Variants in PRKCSH observed in about 807,000 individuals in gnomAD.
PRKCSH encodes the protein PRKCSH beta subunit of glucosidase II.
In PRKCSH, 42 loss-of-function variants were observed where a neutral mutation model predicts 79.7. The observed-to-expected ratio is 0.53, with a 90% CI of 0.41 to 0.68. The LOEUF (loss-of-function observed/expected upper bound fraction) is 0.68. Among genes scored for constraint, PRKCSH ranks in the 30% least tolerant of loss-of-function variants. PRKCSH has a pLI of 0.00. For missense variants in PRKCSH, 686 were observed against 709.0 expected (o/e 0.97, Z 0.37); for synonymous variants, 325 against 288.2 (o/e 1.13, Z -1.29).
chr19:11,449,480 G>C lies in PRKCSH; in HGVS notation c.*16+52G>C. 1 of 1,608,904 alleles carries C rather than the reference G, an allele frequency of 6.2e-7. No individual in the cohort carries two copies. Among genetic ancestry groups the C allele is most frequent in the Non-Finnish European group, 8.5e-7 (1 of 1,177,524 alleles). ...GCCTGCCCCAGCAAGGGGAGGCGGC[G>C]GGCCCTGAGGAAGATGGACCCACAT... On this transcript the variant is annotated intron_variant, in intron 17 of 17. Transcript: ENST00000677123. This position sits in a 1 kb window ranked among gnomAD's most constrained non-coding sequence, Gnocchi z 6.4.
In PRKCSH at chr19:11,442,431, C is replaced by G. The variant is rs1253753780; in HGVS notation, c.514C>G (p.Gln172Glu). 6.2e-7 allele frequency: 1 copy of G among 1,611,416 alleles called. No homozygotes were observed. Among genetic ancestry groups the G allele is most frequent in the Admixed American group, 1.7e-5 (1 of 59,724 alleles). Reference sequence around the variant, plus strand: ...GGCTGGGAAGAAGTCTCTGGAAGACCAGGTGGAGATGCTGCGGACAGTGAA... The same window carrying G: ...GGCTGGGAAGAAGTCTCTGGAAGACGAGGTGGAGATGCTGCGGACAGTGAA... Reference protein sequence around the residue: ...LQAGKKSLEDQVEMLRTVKEE... With the variant: ...LQAGKKSLEDEVEMLRTVKEE... The change falls in exon 7 of 18, where the codon CAG becomes GAG. Residue 172 changes from glutamine to glutamate, a missense_variant. Around this residue, in one of 2 missense-constraint regions of PRKCSH, gnomAD observed 549 missense variants for 520.2 expected, o/e 1.06. Coordinates refer to ENST00000677123, the MANE Select transcript of PRKCSH (RefSeq NM_001289104.2).
At position 11,447,765 on chromosome 19, in the gene PRKCSH, G is replaced by C. The variant is rs769150068; in HGVS notation, c.1102G>C (p.Glu368Gln). The C allele has an allele frequency of 6.3e-7, 1 of 1,589,964 alleles. No individual in the cohort carries two copies. Among genetic ancestry groups the C allele is most frequent in the Non-Finnish European group, 8.6e-7 (1 of 1,169,270 alleles). ...GGAAGACAAAATGCCGCCCTACGAC[G>C]AGCAGACGCAGGCCTTCATCGATGG... ...AEEDKMPPYDEQTQAFIDAAQ... is the reference protein window; with the variant it reads ...AEEDKMPPYDQQTQAFIDAAQ... The change falls in exon 12 of 18, where the codon GAG becomes CAG. Residue 368 changes from glutamate to glutamine, a missense_variant. Glu to Gln is a conservative substitution (Grantham distance 29). This residue lies in a region of PRKCSH where 549 missense variants were observed against 520.2 expected (regional missense o/e 1.06). Coordinates refer to ENST00000677123, the MANE Select transcript of PRKCSH (RefSeq NM_001289104.2). The surrounding 1 kb of genome is among the most constrained non-coding windows in gnomAD (Gnocchi z 5.6).
Position 11,441,457 on chromosome 19 carries a change from C to G in PRKCSH, c.468+100C>G, listed in dbSNP as rs1479401666. 4 of 1,091,832 alleles carry G rather than the reference C, an allele frequency of 3.7e-6. No individual in the cohort carries two copies. The South Asian group carries it at 3.7e-5, about 10-fold the overall frequency. The allele number at this position is 1,091,832 out of a possible 1,614,324, so 67.6% of individuals were successfully genotyped here. A position where few individuals can be genotyped will look rare whatever the true frequency, so the allele number is the denominator to read the frequency against. On this transcript the variant is annotated intron_variant, in intron 6 of 17. Coordinates refer to ENST00000677123, the MANE Select transcript of PRKCSH (RefSeq NM_001289104.2). The stretch of plus-strand genomic sequence containing the variant: ...GAGGGGTTTGCCCCTGACTGCTGTT[C>G]TGGGGCAAGTGACTGCCTTTCGGAG...
intron 7 of PRKCSH, among the ~76,000 whole-genome samples, chr19:11,443,864 C>T (rs1179384266): frequency 2.6e-5 from 4 of 152,062 alleles, no homozygotes; most frequent in African/African-American, 7.2e-5. Context: ...CAACCTCTAC[C>T]TCCTGGGTTC....
intron 8 of PRKCSH, 85 bp downstream of exon 8, chr19:11,445,558 G>C (rs1469349925): frequency 7.4e-7 from 1 of 1,357,430 alleles, no homozygotes. Context: ...AAACCAGCCA[G>C]ATCCTCCTTG....
chr19:11,448,535 TC>T lies in PRKCSH; in HGVS notation c.1197-3del. Reference sequence around the variant, plus strand: ...GCCCCTTAACCGCTCCGCCTCCCCTTCCAGGAACCTGGAGCAAGAGATTTCT... The same window carrying T: ...GCCCCTTAACCGCTCCGCCTCCCCTTCAGGAACCTGGAGCAAGAGATTTCT... On this transcript the variant is annotated splice_region_variant and splice_polypyrimidine_tract_variant and intron_variant, in intron 13 of 17. Coordinates refer to ENST00000677123, the MANE Select transcript of PRKCSH (RefSeq NM_001289104.2). The surrounding 1 kb of genome is among the most constrained non-coding windows in gnomAD (Gnocchi z 4.4). 1 of 1,614,024 alleles carries T rather than the reference TC, an allele frequency of 6.2e-7. No homozygotes were observed. The highest frequency in any genetic ancestry group is 8.5e-7 in the Non-Finnish European group (1 of 1,179,854).
Position 11,447,858 on chromosome 19 carries a change from G to A in PRKCSH, c.1126+69G>A, listed in dbSNP as rs1970395051. 2 of 1,465,060 alleles carry A rather than the reference G, an allele frequency of 1.4e-6. No individual in the cohort carries two copies. The highest frequency in any genetic ancestry group is 2.5e-5 in the East Asian group (1 of 40,358). 90.8% of individuals were successfully genotyped at this position (1,465,060 alleles called of 1,614,324 possible). On this transcript the variant is annotated intron_variant, in intron 12 of 17. Coordinates refer to ENST00000677123, the MANE Select transcript of PRKCSH (RefSeq NM_001289104.2). The surrounding 1 kb of genome is among the most constrained non-coding windows in gnomAD (Gnocchi z 5.6). ...TTCCTGCCGTGGTGGCACAGGTCGA[G>A]GGAAGATCCTGAGCTTAGACCCTGC...
chr19:11,443,183 C>G (rs1051406007), intron 7 of PRKCSH, among the ~76,000 whole-genome samples: 1 of 151,820 alleles, frequency 6.6e-6, no homozygotes, highest in Non-Finnish European at 1.5e-5. Flanking sequence ...GAGGCCGAGA[C>G]GGGCAGATCA....
chr19:11,445,600 C>T (rs1400482874), intron 8 of PRKCSH, 127 bp downstream of exon 8: 1 of 941,318 alleles, frequency 1.1e-6, no homozygotes, highest in East Asian at 2.6e-5. Context: ...AGGCTGATCC[C>T]AAGCCCCGTG....
chr19:11,447,149 T>C lies in PRKCSH; in HGVS notation c.838T>C (p.Tyr280His). The C allele has an allele frequency of 1.9e-6, 3 of 1,613,846 alleles. No individual in the cohort carries two copies. The highest frequency in any genetic ancestry group is 2.5e-6 in the Non-Finnish European group (3 of 1,179,830). The change falls in exon 10 of 18, where the codon TAC (tyrosine) becomes CAC (histidine). Residue 280 changes from tyrosine to histidine, a missense_variant. Physicochemically the swap from Tyr to His is moderately conservative, Grantham distance 83. Coordinates refer to ENST00000677123, the MANE Select transcript of PRKCSH (RefSeq NM_001289104.2). The surrounding 1 kb of genome is among the most constrained non-coding windows in gnomAD (Gnocchi z 5.6). ...DRVWAAIRDK[Y>H]RSEALPTDLP... ...CGTCTGGGCCGCCATCAGGGACAAG[T>C]ACCGGTCCGAGGTCAGTGGAGGAGA...
At chr19:11,445,103 G>C (rs562927707) in intron 7 of PRKCSH, among the ~76,000 whole-genome samples, 78 of 151,986 alleles carry the variant, frequency 5.1e-4, no homozygotes, top group African/African-American at 1.9e-3. Context: ...TGCCACCTGG[G>C]TTCCCACCTC....
In PRKCSH at chr19:11,447,488, C is replaced by T; in HGVS notation, c.899C>T (p.Pro300Leu). 3 of 1,613,726 alleles carry T rather than the reference C, an allele frequency of 1.9e-6. No homozygotes were observed. Among genetic ancestry groups the T allele is most frequent in the South Asian group, 1.1e-5 (1 of 91,064 alleles). Residue 300 changes from proline to leucine, a missense_variant, in exon 11 of 18, where the codon CCC (proline) becomes CTC (leucine). Pro to Leu is a moderately conservative substitution (Grantham distance 98). This residue lies in a region of PRKCSH where 549 missense variants were observed against 520.2 expected (regional missense o/e 1.06). Transcript: ENST00000677123. This position sits in a 1 kb window ranked among gnomAD's most constrained non-coding sequence, Gnocchi z 5.6. Reference sequence around the variant, plus strand: ...CCTTCTGCCCCTGACTTGACGGAGCCCAAGGAGGAGCAGCCGCCAGTGCCC... The same window carrying T: ...CCTTCTGCCCCTGACTTGACGGAGCTCAAGGAGGAGCAGCCGCCAGTGCCC... ...PAPSAPDLTE[P>L]KEEQPPVPSS...
At chr19:11,446,782 C>A (rs543202383) in intron 9 of PRKCSH, among the ~76,000 whole-genome samples, 29 of 152,204 alleles carry the variant, frequency 1.9e-4, no homozygotes, top group Admixed American at 1.5e-3. Context: ...AGGGCCTGGC[C>A]CTCTCTGGTC....
chr19:11,439,582 C>T (rs1261568547), intron 5 of PRKCSH, among the ~76,000 whole-genome samples: 15 of 148,372 alleles, frequency 1.0e-4, no homozygotes, highest in African/African-American at 2.5e-4. Flanking sequence ...CAGTGAGACC[C>T]GTCTCAGAAA....
chr19:11,444,576 C>T (rs1338188858), intron 7 of PRKCSH, among the ~76,000 whole-genome samples: 1 of 152,118 alleles, frequency 6.6e-6, no homozygotes, highest in Non-Finnish European at 1.5e-5. Context: ...TTGTAGAGGA[C>T]CAAGCTGGAG....
intron 5 of PRKCSH, among the ~76,000 whole-genome samples, chr19:11,438,645 C>T (rs1240501660): frequency 6.6e-6 from 1 of 151,496 alleles, no homozygotes; most frequent in Non-Finnish European, 1.5e-5. Flanking sequence ...GTCCCAGCTA[C>T]TCGGTGGGCT....
rs1420847651 is a variant in PRKCSH at position 11,445,377 on chromosome 19, GCTT to G, written c.599-8_599-6del. On this transcript the variant is annotated splice_polypyrimidine_tract_variant and intron_variant, in intron 7 of 17. Transcript: ENST00000677123. ...GGGTGGGCAGGGGGTGACAGAGGTGGCTTCTTTACAGAGCAGCTGGCTGCTGCC... is the reference window on the plus strand; with the variant it reads ...GGGTGGGCAGGGGGTGACAGAGGTGGCTTTACAGAGCAGCTGGCTGCTGCC... The G allele has an allele frequency of 7.4e-6, 12 of 1,613,024 alleles. No individual in the cohort carries two copies. The highest frequency in any genetic ancestry group is 8.5e-6 in the Non-Finnish European group (10 of 1,179,958).
At chr19:11,435,806 T>G in intron 1 of PRKCSH, 100 bp downstream of exon 1, 1 of 1,398,186 alleles carries the variant, frequency 7.2e-7, no homozygotes, top group Non-Finnish European at 9.5e-7. Context: ...GTTAATCCCT[T>G]TGGTCTGTTG....
intron 17 of PRKCSH, 189 bp from the exon 18 acceptor site, chr19:11,450,457 C>T (rs1192057234): frequency 6.6e-6 from 1 of 150,788 alleles, no homozygotes. Context: ...CCAGCCTGGG[C>T]TACAGAGTGA....
Sources: allele counts gnomAD v4.1 joint callset (sites outside exome capture counted in the v4.1 genomes callset), GRCh38; gene constraint gnomAD v4.1.1; regional missense constraint gnomAD v4.1.1; non-coding constraint Gnocchi (gnomAD v3.1); transcripts MANE v1.5; gene names NCBI Gene and HGNC (gene_info 2026-07-23, HGNC 2026-07-21).